The following FRS2 variants were observed in gnomAD, a reference collection of about 807,000 sequenced individuals.
The protein encoded by FRS2 is fibroblast growth factor receptor substrate 2.
FRS2 carries 8 observed loss-of-function variants against 43.9 expected under a neutral mutation model. The ratio of observed to expected loss-of-function variants is 0.18; its 90% CI spans 0.11 to 0.33. FRS2 has a LOEUF of 0.33. Ranked by LOEUF, FRS2 falls within the 10% of genes least tolerant of loss-of-function variation. The pLI is 1.00. For missense variants in FRS2, 534 were observed against 627.6 expected (o/e 0.85, Z 1.59); for synonymous variants, 219 against 220.3 (o/e 0.99, Z 0.05).
chr12:69,495,358 TG>T (rs1364252259), intron 1 of FRS2, among the ~76,000 whole-genome samples: 21 of 152,332 alleles, frequency 1.4e-4, no homozygotes, highest in African/African-American at 4.8e-4. Flanking sequence ...GTACTATACA[TG>T]GAATATACTC....
intron 1 of FRS2, among the ~76,000 whole-genome samples, chr12:69,484,084 A>C (rs2120790954): frequency 6.8e-6 from 1 of 147,898 alleles, no homozygotes; most frequent in Middle Eastern, 3.6e-3. Flanking sequence ...TAATTGGAAA[A>C]GCTTTTCTTT....
intron 1 of FRS2, among the ~76,000 whole-genome samples, chr12:69,493,468 C>G (rs1374587448): frequency 6.6e-6 from 1 of 152,242 alleles, no homozygotes; most frequent in Non-Finnish European, 1.5e-5. Flanking sequence ...CGCCTGTGAT[C>G]CCAGCACTTT....
chr12:69,471,767 C>T (rs990741264), intron 1 of FRS2, among the ~76,000 whole-genome samples: 5 of 152,212 alleles, frequency 3.3e-5, no homozygotes, highest in Non-Finnish European at 7.3e-5. Context: ...GTTTTTGCAG[C>T]GTAAAGTATT....
At chr12:69,479,397 T>C (rs1871158720) in intron 1 of FRS2, among the ~76,000 whole-genome samples, 1 of 150,580 alleles carries the variant, frequency 6.6e-6, no homozygotes, top group Non-Finnish European at 1.5e-5. Flanking sequence ...TTTCTTTTTT[T>C]TTTTTTTTTT....
intron 1 of FRS2, among the ~76,000 whole-genome samples, chr12:69,524,067 A>G (rs755328995): frequency 3.3e-5 from 5 of 152,196 alleles, no homozygotes; most frequent in African/African-American, 1.2e-4. Flanking sequence ...GGGTGGCAGC[A>G]TGGCTGGAGG....
At chr12:69,510,748 G>A (rs138530868) in intron 1 of FRS2, among the ~76,000 whole-genome samples, 10 of 152,246 alleles carry the variant, frequency 6.6e-5, no homozygotes, top group African/African-American at 2.4e-4. Context: ...ATGGAATGTG[G>A]TGAACATTAA....
chr12:69,543,906 A>T (rs1259641295), intron 3 of FRS2, among the ~76,000 whole-genome samples: 1 of 152,132 alleles, frequency 6.6e-6, no homozygotes, highest in Non-Finnish European at 1.5e-5. Context: ...AAAAATTAGG[A>T]TCTCATAGAG....
At chr12:69,550,401 G>C (rs532824427) in intron 3 of FRS2, among the ~76,000 whole-genome samples, 1 of 152,026 alleles carries the variant, frequency 6.6e-6, no homozygotes, top group African/African-American at 2.4e-5. Context: ...AGGGAGTGTT[G>C]GTAGGAAATA....
chr12:69,549,686 T>C (rs1302776265), intron 3 of FRS2, among the ~76,000 whole-genome samples: 2 of 152,224 alleles, frequency 1.3e-5, no homozygotes, highest in South Asian at 4.1e-4. Flanking sequence ...AAGCCTATTA[T>C]TCCATAAGAT....
At chr12:69,564,675 T>C (rs1880138972) in intron 4 of FRS2, among the ~76,000 whole-genome samples, 1 of 152,204 alleles carries the variant, frequency 6.6e-6, no homozygotes, top group African/African-American at 2.4e-5. Context: ...ATTGCTGCTC[T>C]TGTTTTAGGT....
chr12:69,565,639 A>G (rs1880230369), intron 4 of FRS2, among the ~76,000 whole-genome samples: 1 of 152,150 alleles, frequency 6.6e-6, no homozygotes, highest in South Asian at 2.1e-4. Context: ...ACAAAGACAC[A>G]AACACACACA....
At chr12:69,480,678 A>G (rs1464037841) in intron 1 of FRS2, among the ~76,000 whole-genome samples, 1 of 152,146 alleles carries the variant, frequency 6.6e-6, no homozygotes, top group Non-Finnish European at 1.5e-5. Flanking sequence ...GTTTCTAGAC[A>G]TTTTATTCAG....
At position 69,579,543 on chromosome 12, in the gene FRS2, GGTTTAATAT is replaced by G. The variant is rs2135840099; in HGVS notation, c.*4589_*4597del. 6.6e-6 allele frequency: 1 copy of G among 152,622 alleles called. No homozygotes were observed. The highest frequency in any genetic ancestry group is 2.1e-4 in the South Asian group (1 of 4,820). 9.5% of individuals were successfully genotyped at this position (152,622 alleles called of 1,614,324 possible). On this transcript the variant is annotated 3_prime_UTR_variant, in exon 9 of 9. Transcript: ENST00000549921. Reference sequence around the variant, plus strand: ...CTGTCCTACAAATTATGTAAAATATGGTTTAATATTAGATGACTTTGGATTTTGCAATGC... The same window carrying G: ...CTGTCCTACAAATTATGTAAAATATGTAGATGACTTTGGATTTTGCAATGC...
intron 1 of FRS2, among the ~76,000 whole-genome samples, chr12:69,496,082 G>GT (rs903376643): frequency 8.5e-5 from 13 of 152,254 alleles, no homozygotes; most frequent in African/African-American, 2.9e-4. Flanking sequence ...GTTTTAGTGT[G>GT]TTTTTTTGAT....
chr12:69,540,321 A>T (rs1052299956), intron 3 of FRS2, among the ~76,000 whole-genome samples: 10 of 150,764 alleles, frequency 6.6e-5, no homozygotes, highest in Non-Finnish European at 1.3e-4. Flanking sequence ...TCAGCTTAGA[A>T]CATCTTGTAG....
At chr12:69,491,315 C>CA (rs1220135694) in intron 1 of FRS2, among the ~76,000 whole-genome samples, 2 of 152,038 alleles carry the variant, frequency 1.3e-5, no homozygotes, top group Non-Finnish European at 2.9e-5. Flanking sequence ...AGGCTGCTCT[C>CA]AAACACCTGA....
intron 1 of FRS2, among the ~76,000 whole-genome samples, chr12:69,471,740 A>G (rs1195802404): frequency 6.6e-6 from 1 of 152,264 alleles, no homozygotes; most frequent in Non-Finnish European, 1.5e-5. Context: ...GATTATTGCT[A>G]TTAGCAGATG....
chr12:69,492,000 A>G (rs1872536290), intron 1 of FRS2, among the ~76,000 whole-genome samples: 1 of 152,166 alleles, frequency 6.6e-6, no homozygotes, highest in Admixed American at 6.5e-5. Flanking sequence ...CAAAAATATG[A>G]TTACTAGTTT....
At chr12:69,493,472 G>A (rs1258150611) in intron 1 of FRS2, among the ~76,000 whole-genome samples, 2 of 152,264 alleles carry the variant, frequency 1.3e-5, no homozygotes, top group Non-Finnish European at 2.9e-5. Flanking sequence ...TGTGATCCCA[G>A]CACTTTGGAA....
Sources: gnomAD v4.1 joint callset for allele counts (sites outside exome capture counted in the v4.1 genomes callset) on GRCh38, gnomAD v4.1.1 for gene constraint, MANE v1.5 for transcripts, NCBI Gene and HGNC (gene_info 2026-07-23, HGNC 2026-07-21) for gene names.